Variants in RAB18 observed in about 807,000 individuals in gnomAD.
RAB18 encodes ras-related protein Rab-18.
Under a neutral mutation model 28.5 loss-of-function variants are expected in RAB18, and 10 were observed. The observed-to-expected ratio is 0.35, with a 90% CI of 0.22 to 0.60. RAB18 has a LOEUF of 0.60. Among genes scored for constraint, RAB18 ranks in the 20% least tolerant of loss-of-function variants. RAB18 has a pLI of 0.78. For missense variants in RAB18, 188 were observed against 244.2 expected (o/e 0.77, Z 1.53); for synonymous variants, 93 against 86.9 (o/e 1.07, Z -0.39).
Position 27,541,071 on chromosome 10 carries a change from C to A in RAB18, c.*3020C>A. 1 of 453,442 alleles carries A rather than the reference C, an allele frequency of 2.2e-6. No homozygotes were observed. Among genetic ancestry groups the A allele is most frequent in the East Asian group, 6.9e-5 (1 of 14,408 alleles). The allele number at this position is 453,442 out of a possible 1,614,324, so 28.1% of individuals were successfully genotyped here. The stretch of plus-strand genomic sequence containing the variant: ...ATAGATCAGAGATCCTCTCCATATT[C>A]AAGCATTATGCTTCTCTTTCTTGGG... On this transcript the variant is annotated 3_prime_UTR_variant, in exon 7 of 7. Coordinates refer to ENST00000356940, the MANE Select transcript of RAB18 (RefSeq NM_021252.5).
intron 2 of RAB18, among the ~76,000 whole-genome samples, chr10:27,513,192 G>T (rs1434523486): frequency 1.3e-5 from 2 of 151,762 alleles, no homozygotes; most frequent in African/African-American, 4.8e-5. Context: ...GTGCCACCAT[G>T]CCTTGCTAAT....
chr10:27,526,959 G>T (rs1379643265), intron 3 of RAB18, 70 bp downstream of exon 3: 3 of 1,487,294 alleles, frequency 2.0e-6, no homozygotes, highest in Non-Finnish European at 2.8e-6. Flanking sequence ...ATTGATTTGT[G>T]TAGTGTTCTA....
In RAB18 at chr10:27,533,764, G is replaced by T; in HGVS notation, c.289G>T (p.Val97Phe). The change falls in exon 5 of 7, where the codon GTT (valine) becomes TTT (phenylalanine). Residue 97 changes from valine to phenylalanine, a missense_variant. Val to Phe is a conservative substitution (Grantham distance 50, BLOSUM62 -1). Transcript: ENST00000356940. ...TGATGTCACAAGAAGAGATACATTT[G>T]TTAAACTGGATAATTGGTTAAATGA... ...VYDVTRRDTF[V>F]KLDNWLNELE... The T allele has an allele frequency of 1.2e-6, 2 of 1,613,566 alleles. No individual in the cohort carries two copies. The highest frequency in any genetic ancestry group is 2.7e-5 in the African/African-American group (2 of 74,990).
At chr10:27,518,339 A>AT (rs1834480526) in intron 2 of RAB18, among the ~76,000 whole-genome samples, 3 of 152,144 alleles carry the variant, frequency 2.0e-5, no homozygotes, top group Admixed American at 2.0e-4. Context: ...TGGTTGTATC[A>AT]TTTTTACATT....
intron 2 of RAB18, among the ~76,000 whole-genome samples, chr10:27,513,715 G>A (rs1295556039): frequency 6.6e-6 from 1 of 152,156 alleles, no homozygotes; most frequent in Admixed American, 6.5e-5. Context: ...CTGCATGTGG[G>A]AAGAAGTAGG....
intron 3 of RAB18, 146 bp downstream of exon 3, chr10:27,527,035 A>G (rs1834687526): frequency 5.6e-6 from 5 of 896,248 alleles, no homozygotes; most frequent in African/African-American, 1.6e-5. Flanking sequence ...TAAAGGATAA[A>G]CAGTAATGTC....
At position 27,539,885 on chromosome 10, in the gene RAB18, T is replaced by G. The variant is rs2132419077; in HGVS notation, c.*1834T>G. The G allele has an allele frequency of 2.2e-6, 1 of 453,882 alleles. No individual in the cohort carries two copies. The highest frequency in any genetic ancestry group is 2.0e-5 in the African/African-American group (1 of 50,112). The allele number at this position is 453,882 out of a possible 1,614,324, so 28.1% of individuals were successfully genotyped here. Reference sequence around the variant, plus strand: ...CCTATTACTCTCATCAGCTGAAGAATATGTACTATTGTGTTACTCAAATTA... The same window carrying G: ...CCTATTACTCTCATCAGCTGAAGAAGATGTACTATTGTGTTACTCAAATTA... On this transcript the variant is annotated 3_prime_UTR_variant, in exon 7 of 7. Coordinates refer to ENST00000356940, the MANE Select transcript of RAB18 (RefSeq NM_021252.5).
chr10:27,504,525 A>C (rs939594068), intron 1 of RAB18, 88 bp downstream of exon 1: 2 of 1,432,858 alleles, frequency 1.4e-6, no homozygotes, highest in Non-Finnish European at 1.9e-6. Context: ...CGGGAACTGT[A>C]AACTGCAGCG....
At chr10:27,534,848 A>T (rs1834860714) in intron 6 of RAB18, among the ~76,000 whole-genome samples, 1 of 152,232 alleles carries the variant, frequency 6.6e-6, no homozygotes, top group Admixed American at 6.5e-5. Flanking sequence ...ACAGAATGGA[A>T]TTAGTGGAAA....
chr10:27,520,833 C>T (rs1236305757), intron 2 of RAB18, among the ~76,000 whole-genome samples: 2 of 133,708 alleles, frequency 1.5e-5, no homozygotes, highest in African/African-American at 2.8e-5. Flanking sequence ...GAGTAAACCA[C>T]TTGAACCCAG....
intron 2 of RAB18, among the ~76,000 whole-genome samples, chr10:27,518,825 T>C (rs925897031): frequency 6.6e-6 from 1 of 151,666 alleles, no homozygotes; most frequent in African/African-American, 2.4e-5. Flanking sequence ...TTCAGTGTTG[T>C]ATCTTTTGCC....
In RAB18 at chr10:27,509,920, A is replaced by C. The variant is rs1834292592; in HGVS notation, c.114A>C (p.Ala38=). 6.2e-7 allele frequency: 1 copy of C among 1,611,282 alleles called. No homozygotes were observed. Among genetic ancestry groups the C allele is most frequent in the Non-Finnish European group, 8.5e-7 (1 of 1,177,682 alleles). The change falls in exon 2 of 7, where the codon GCA becomes GCC. Residue 38 remains alanine (A), a synonymous_variant. Coordinates refer to ENST00000356940, the MANE Select transcript of RAB18 (RefSeq NM_021252.5). The part of the protein sequence containing the change: ...FTDDTFDPEL[A]ATIGVDFKVK... ...ATGATACGTTTGATCCAGAACTTGC[A>C]GCAACAATAGGTAAGCCTGTGTTTA...
intron 2 of RAB18, among the ~76,000 whole-genome samples, chr10:27,514,406 A>C (rs1299694583): frequency 1.3e-5 from 2 of 152,222 alleles, no homozygotes; most frequent in Non-Finnish European, 2.9e-5. Context: ...GAATGATTGC[A>C]TGAGAAAATG....
At chr10:27,517,688 T>TA (rs1461066395) in intron 2 of RAB18, among the ~76,000 whole-genome samples, 8 of 152,278 alleles carry the variant, frequency 5.3e-5, no homozygotes, top group African/African-American at 1.9e-4. Context: ...CAGCATTTTT[T>TA]AAAAAATTAT....
chr10:27,540,954 T>C lies in RAB18; in HGVS notation c.*2903T>C, dbSNP rs1430302678. On this transcript the variant is annotated 3_prime_UTR_variant, in exon 7 of 7. Coordinates refer to ENST00000356940, the MANE Select transcript of RAB18 (RefSeq NM_021252.5). ...GTTCTGCCTGTGAGTTGGCACAGAC[T>C]TACCTAATAACCATAGTGTCTTTAA... The C allele has an allele frequency of 8.8e-6, 4 of 453,962 alleles. No homozygotes were observed. Among genetic ancestry groups the C allele is most frequent in the Non-Finnish European group, 1.8e-5 (4 of 226,776 alleles). 28.1% of individuals were successfully genotyped at this position (453,962 alleles called of 1,614,324 possible). A position where few individuals can be genotyped will look rare whatever the true frequency, so the allele number is the denominator to read the frequency against.
At chr10:27,531,429 G>A (rs895154609) in intron 3 of RAB18, 1 of 1,431,740 alleles carries the variant, frequency 7.0e-7, no homozygotes, top group African/African-American at 1.4e-5. Context: ...TTATATCTGG[G>A]GGAGCTTCTG....
intron 2 of RAB18, among the ~76,000 whole-genome samples, chr10:27,518,152 T>C (rs1175805593): frequency 2.0e-5 from 3 of 152,178 alleles, no homozygotes; most frequent in Non-Finnish European, 4.4e-5. Context: ...GAGACATTTT[T>C]GTTGTTTCCA....
intron 2 of RAB18, chr10:27,510,463 G>A (rs1426868334): frequency 1.2e-5 from 2 of 164,900 alleles, no homozygotes; most frequent in African/African-American, 4.8e-5. Flanking sequence ...TTAAGGATAA[G>A]ATTTAGATCG....
chr10:27,521,583 G>T (rs1377871254), intron 2 of RAB18, among the ~76,000 whole-genome samples: 1 of 152,180 alleles, frequency 6.6e-6, no homozygotes, highest in Non-Finnish European at 1.5e-5. Flanking sequence ...TATTCTAAGT[G>T]AAGTAACTCA....
Sources: gnomAD v4.1 joint callset for allele counts (sites outside exome capture counted in the v4.1 genomes callset) on GRCh38, gnomAD v4.1.1 for gene constraint, MANE v1.5 for transcripts, NCBI Gene and HGNC (gene_info 2026-07-23, HGNC 2026-07-21) for gene names.